The following SNAPC4 variants were observed in gnomAD, a reference collection of about 807,000 sequenced individuals.
SNAPC4 encodes the protein small nuclear RNA activating complex polypeptide 4, also known as snRNA-activating protein complex subunit 4.
A neutral mutation model predicts 151.3 loss-of-function variants in SNAPC4; 127 were observed. The ratio of observed to expected loss-of-function variants is 0.84; its 90% CI spans 0.73 to 0.97. The LOEUF (loss-of-function observed/expected upper bound fraction) is 0.97. SNAPC4 is among the 50% of genes least tolerant of loss of function. The pLI, the probability that SNAPC4 is intolerant of heterozygous loss-of-function variation, is 0.00. For synonymous variants in SNAPC4, 1,002 were observed against 824.4 expected (o/e 1.22, Z -3.69); for missense variants, 2,186 against 1,935.0 (o/e 1.13, Z -2.43).
chr9:136,377,992 C>T lies in SNAPC4; in HGVS notation c.3835G>A (p.Glu1279Lys), dbSNP rs764982263. The T allele has an allele frequency of 3.2e-5, 52 of 1,602,482 alleles. No homozygotes were observed. The highest frequency in any genetic ancestry group is 1.8e-4 in the Middle Eastern group (1 of 5,420). ...LDLGLLSQEG[E>K]AATQQWLGGQ... ...CCCAGCCACTGCTGTGTGGCCGCCT[C>T]GCCCTCCTGGGACAGCAGGCCCAGG... The change falls in exon 22 of 24, where the codon GAG (glutamate) becomes AAG (lysine). Residue 1279 changes from glutamate to lysine, a missense_variant. By Grantham distance (56) the Glu-to-Lys change is moderately conservative. Transcript: ENST00000684778.
intron 17 of SNAPC4, 42 bp from the exon 18 acceptor site, chr9:136,382,115 G>C (rs767953771): frequency 1.9e-6 from 3 of 1,560,096 alleles, no homozygotes; most frequent in South Asian, 1.2e-5. Context: ...GGCCAGGCTC[G>C]GCCCCCGGAG....
intron 10 of SNAPC4, among the ~76,000 whole-genome samples, chr9:136,390,118 T>C (rs1270444432): frequency 2.0e-5 from 3 of 151,790 alleles, no homozygotes; most frequent in Non-Finnish European, 2.9e-5. Flanking sequence ...TAAAACGGAC[T>C]CGACACACCA....
intron 21 of SNAPC4, 94 bp from the exon 22 acceptor site, chr9:136,379,393 G>C: frequency 6.5e-7 from 1 of 1,549,914 alleles, no homozygotes; most frequent in Non-Finnish European, 8.7e-7. Context: ...GGGACCATGT[G>C]GGGAGCCTGG....
In SNAPC4 at chr9:136,380,855, G is replaced by A. The variant is rs140018136; in HGVS notation, c.2389-5C>T. 3.0e-3 allele frequency: 4,705 copies of A among 1,555,592 alleles called. 21 individuals are homozygous for A. Among genetic ancestry groups the A allele is most frequent in the Non-Finnish European group, 3.7e-3 (4,197 of 1,127,548 alleles). Reference sequence around the variant, plus strand: ...GGCAGTATCGATGTGGAACAGCTGCGGGACACAGGAGGCAACCTAACCATA... The same window carrying A: ...GGCAGTATCGATGTGGAACAGCTGCAGGACACAGGAGGCAACCTAACCATA... On this transcript the variant is annotated splice_region_variant and splice_polypyrimidine_tract_variant and intron_variant, in intron 19 of 23. Transcript: ENST00000684778.
chr9:136,382,138 A>T, intron 17 of SNAPC4, 65 bp from the exon 18 acceptor site: 1 of 1,566,280 alleles, frequency 6.4e-7, no homozygotes, highest in Non-Finnish European at 8.7e-7. Flanking sequence ...GACCCTGCCC[A>T]GTGGCCAGTG....
intron 10 of SNAPC4, 120 bp downstream of exon 10, chr9:136,391,822 C>T: frequency 1.8e-6 from 2 of 1,101,220 alleles, no homozygotes; most frequent in African/African-American, 1.6e-5. Flanking sequence ...GAGGTGGCAA[C>T]ACATAGAAAC....
chr9:136,385,045 C>T (rs564011838), intron 13 of SNAPC4, among the ~76,000 whole-genome samples: 24 of 152,202 alleles, frequency 1.6e-4, no homozygotes, highest in African/African-American at 4.8e-4. Context: ...GTCACGTGTC[C>T]GATAAAGGAC....
intron 21 of SNAPC4, 149 bp downstream of exon 21, chr9:136,379,688 C>A: frequency 1.3e-6 from 1 of 781,252 alleles, no homozygotes. Context: ...ACTCTCATCC[C>A]TGTGGTGGGA....
At position 136,378,226 on chromosome 9, in the gene SNAPC4, G is replaced by T. The variant is rs1267811888; in HGVS notation, c.3601C>A (p.Pro1201Thr). The change falls in exon 22 of 24, where the codon CCT becomes ACT. Residue 1201 changes from proline to threonine, a missense_variant. Physicochemically the swap from Pro to Thr is conservative, Grantham distance 38. Coordinates refer to ENST00000684778, the MANE Select transcript of SNAPC4 (RefSeq NM_003086.4). ...AAGGCTGGCAGCCTCCCGGACCAAG[G>T]GGGTTCTGCTTCAGGAGGGTCAGCG... ...SHADPPEAEP[P>T]WSGRLPAFGG... 1 of 1,611,622 alleles carries T rather than the reference G, an allele frequency of 6.2e-7. No individual in the cohort carries two copies. The highest frequency in any genetic ancestry group is 1.1e-5 in the South Asian group (1 of 90,822).
chr9:136,388,626 C>T lies in SNAPC4; in HGVS notation c.976-35G>A, dbSNP rs945742974. On this transcript the variant is annotated intron_variant, in intron 10 of 23. Transcript: ENST00000684778. ...CCCAAACAAAAGCAAATGAGTGTTA[C>T]TGCGCGGCAGGATGTCCAGATCTGG... The T allele has an allele frequency of 6.8e-6, 11 of 1,612,632 alleles. No homozygotes were observed. In the Admixed American group the frequency reaches 8.3e-5, roughly 12 times the overall value.
chr9:136,393,087 C>T (rs370721002), intron 7 of SNAPC4, among the ~76,000 whole-genome samples: 109 of 152,348 alleles, frequency 7.2e-4, no homozygotes, highest in African/African-American at 2.3e-3. Flanking sequence ...GGCACAGAGA[C>T]ACAGCCGTAG....
At chr9:136,398,251 C>T in intron 2 of SNAPC4, 48 bp downstream of exon 2, 1 of 1,573,530 alleles carries the variant, frequency 6.4e-7, no homozygotes, top group Non-Finnish European at 8.7e-7. Flanking sequence ...AGGAGGCAGA[C>T]CAGCTGTTCT....
Position 136,377,814 on chromosome 9 carries a change from T to C in SNAPC4, c.4013A>G (p.Glu1338Gly). The change falls in exon 22 of 24, where the codon GAG becomes GGG. Residue 1338 changes from glutamate to glycine, a missense_variant. Transcript: ENST00000684778. Reference sequence around the variant, plus strand: ...GGCTTGCAGTGCTCCGGCCGGCCGCTCAGCCTCGCCCCCCACCACCAGGGA... The same window carrying C: ...GGCTTGCAGTGCTCCGGCCGGCCGCCCAGCCTCGCCCCCCACCACCAGGGA... ...ATSLVVGGEA[E>G]RPAGALQASL... The C allele has an allele frequency of 6.2e-7, 1 of 1,611,588 alleles. No homozygotes were observed.
intron 7 of SNAPC4, among the ~76,000 whole-genome samples, chr9:136,393,277 C>T (rs947225178): frequency 2.1e-4 from 32 of 152,326 alleles, no homozygotes; most frequent in African/African-American, 7.5e-4. Context: ...AGGCGGGACC[C>T]GGGACCCCTG....
At chr9:136,395,170 TGAA>T in intron 5 of SNAPC4, 125 bp downstream of exon 5, 1 of 1,220,992 alleles carries the variant, frequency 8.2e-7, no homozygotes, top group East Asian at 2.4e-5. Flanking sequence ...GGAGGCAGTT[TGAA>T]GGAGGTTGGC....
At chr9:136,395,918 G>A (rs1032447902) in intron 3 of SNAPC4, 148 bp from the exon 4 acceptor site, 2 of 788,336 alleles carry the variant, frequency 2.5e-6, no homozygotes, top group Non-Finnish European at 4.0e-6. Flanking sequence ...AGTGACCCTG[G>A]TGGGCAGCGG....
chr9:136,378,505 G>T lies in SNAPC4; in HGVS notation c.3322C>A (p.Leu1108Met). Residue 1108 changes from leucine to methionine, a missense_variant, in exon 22 of 24, where the codon CTG becomes ATG. Transcript: ENST00000684778. ...AGGGGAGGCAGCAGAGTGGCCAGCAGCCCTGCGGGGCCAGGGGTCCCTGCT... is the reference window on the plus strand; with the variant it reads ...AGGGGAGGCAGCAGAGTGGCCAGCATCCCTGCGGGGCCAGGGGTCCCTGCT... ...RPAGTPGPAG[L>M]LATLLPPLTE... The T allele has an allele frequency of 6.3e-7, 1 of 1,590,962 alleles. No homozygotes were observed. Among genetic ancestry groups the T allele is most frequent in the Admixed American group, 1.7e-5 (1 of 58,374 alleles).
In SNAPC4 at chr9:136,383,691, T is replaced by C. The variant is rs750661690; in HGVS notation, c.1501-23A>G. ...CTTCTGAGGGGAGGAAAGAGCTACT[T>C]AGAGGCCTTGGCAAGCCCGGTTCAC... is the stretch of plus-strand genomic sequence containing the variant. On this transcript the variant is annotated intron_variant, in intron 15 of 23. Coordinates refer to ENST00000684778, the MANE Select transcript of SNAPC4 (RefSeq NM_003086.4). This position sits in a 1 kb window ranked among gnomAD's most constrained non-coding sequence, Gnocchi z 4.2. 1.3e-6 allele frequency: 2 copies of C among 1,581,210 alleles called. No individual in the cohort carries two copies. The highest frequency in any genetic ancestry group is 8.6e-7 in the Non-Finnish European group (1 of 1,162,738).
Position 136,378,821 on chromosome 9 carries a change from A to G in SNAPC4, c.3006T>C (p.Ala1002=). Residue 1002 remains alanine (A), a synonymous_variant, in exon 22 of 24, where the codon GCT becomes GCC. Transcript: ENST00000684778. ...VFSEAEGTAP[A]ASQAPALGPG... ...GGCCCAGGGCAGGGGCTTGGGAAGC[A>G]GCAGGGGCTGTGCCCTCGGCCTCTG... 1.3e-6 allele frequency: 2 copies of G among 1,596,668 alleles called. No homozygotes were observed. The highest frequency in any genetic ancestry group is 1.7e-6 in the Non-Finnish European group (2 of 1,171,600).
Sources: allele counts gnomAD v4.1 joint callset (sites outside exome capture counted in the v4.1 genomes callset), GRCh38; gene constraint gnomAD v4.1.1; non-coding constraint Gnocchi (gnomAD v3.1); transcripts MANE v1.5; gene names NCBI Gene and HGNC (gene_info 2026-07-23, HGNC 2026-07-21).